The following USP7 variants were observed in gnomAD, a reference collection of about 807,000 sequenced individuals.
USP7 encodes the protein ubiquitin C-terminal hydrolase 7.
Under a neutral mutation model 162.9 loss-of-function variants are expected in USP7, and 9 were observed. That is an observed-to-expected ratio of 0.06 (90% CI 0.03 to 0.10). The LOEUF is 0.10. Ranked by LOEUF, USP7 falls within the 10% of genes least tolerant of loss-of-function variation. The pLI, the probability that USP7 is intolerant of heterozygous loss-of-function variation, is 1.00. For synonymous variants in USP7, 562 were observed against 475.9 expected (o/e 1.18, Z -2.35); for missense variants, 715 against 1,373.7 (o/e 0.52, Z 7.58).
intron 1 of USP7, among the ~76,000 whole-genome samples, chr16:8,954,513 C>T (rs576153317): frequency 3.9e-5 from 6 of 152,210 alleles, no homozygotes; most frequent in Admixed American, 1.3e-4. Flanking sequence ...CCCTGTTAAC[C>T]GTAACTCAAA....
chr16:8,894,472 GC>G lies in USP7; in HGVS notation c.3202+77del. ...AGAGGAGCTGGCACTTGACCCTGGG[GC>G]TGCCCCTCCCAGCCCCAGACCACTT... On this transcript the variant is annotated intron_variant, in intron 30 of 30. Transcript: ENST00000344836. The G allele has an allele frequency of 6.2e-6, 9 of 1,461,474 alleles. No homozygotes were observed. The South Asian group carries it at 1.1e-4, about 18-fold the overall frequency. The allele number at this position is 1,461,474 out of a possible 1,614,324, so 90.5% of individuals were successfully genotyped here. A position where few individuals can be genotyped will look rare whatever the true frequency, so the allele number is the denominator to read the frequency against.
At chr16:8,963,140 C>T in intron 1 of USP7, 67 bp downstream of exon 1, 8 of 1,312,096 alleles carry the variant, frequency 6.1e-6, no homozygotes, top group Middle Eastern at 6.0e-4. Context: ...CGCGTGGCTC[C>T]CGCGGCTCCC....
At chr16:8,938,544 C>CT (rs1898882843) in intron 1 of USP7, among the ~76,000 whole-genome samples, 2 of 151,858 alleles carry the variant, frequency 1.3e-5, no homozygotes, top group Non-Finnish European at 1.5e-5. Context: ...AACGCCGTCT[C>CT]TACTGAAAAT....
rs755471877 is a variant in USP7, at chr16:8,901,238, C to A, written c.2048-4G>T. 2 of 1,604,734 alleles carry A rather than the reference C, an allele frequency of 1.2e-6. No individual in the cohort carries two copies. Among genetic ancestry groups the A allele is most frequent in the Non-Finnish European group, 1.7e-6 (2 of 1,172,714 alleles). On this transcript the variant is annotated splice_region_variant and splice_polypyrimidine_tract_variant and intron_variant, in intron 18 of 30. Transcript: ENST00000344836. ...TTCAAAAATAACATTACATCATCTA[C>A]AAGGTTAATAAACAAGTTTTGTTAA... is the stretch of plus-strand genomic sequence containing the variant.
At chr16:8,904,930 C>T (rs2141179505) in intron 14 of USP7, among the ~76,000 whole-genome samples, 1 of 152,262 alleles carries the variant, frequency 6.6e-6, no homozygotes, top group East Asian at 1.9e-4. Flanking sequence ...CGAGATCGCG[C>T]CACTGCACTC....
Position 8,893,806 on chromosome 16 carries a change from C to T in USP7, c.*192G>A, listed in dbSNP as rs1210423069. 3.5e-6 allele frequency: 2 copies of T among 572,966 alleles called. No homozygotes were observed. The highest frequency in any genetic ancestry group is 6.3e-6 in the Non-Finnish European group (2 of 319,134). 35.5% of individuals were successfully genotyped at this position (572,966 alleles called of 1,614,324 possible). A position where few individuals can be genotyped will look rare whatever the true frequency, so the allele number is the denominator to read the frequency against. On this transcript the variant is annotated 3_prime_UTR_variant, in exon 31 of 31. Coordinates refer to ENST00000344836, the MANE Select transcript of USP7 (RefSeq NM_003470.3). ...TGGCATCCAAGCTTTATAAAAACAT[C>T]TTCATTTTGCTCAAAAAGGGCAGTC...
intron 27 of USP7, 120 bp downstream of exon 27, chr16:8,895,522 C>G (rs1045412868): frequency 1.3e-5 from 12 of 911,620 alleles, no homozygotes; most frequent in Admixed American, 2.5e-5. Context: ...AATCATATAC[C>G]TCGATTACTG....
intron 1 of USP7, among the ~76,000 whole-genome samples, chr16:8,931,101 G>C (rs1033502088): frequency 6.6e-6 from 1 of 151,836 alleles, no homozygotes; most frequent in Admixed American, 6.6e-5. Context: ...CAATTCTACA[G>C]CCAATTTTGT....
intron 1 of USP7, chr16:8,936,583 C>G: frequency 6.5e-7 from 1 of 1,544,302 alleles, no homozygotes; most frequent in Non-Finnish European, 8.7e-7. Context: ...CCTGACTCAC[C>G]TTCCAGCCCA....
chr16:8,938,959 C>A (rs1898907005), intron 1 of USP7, among the ~76,000 whole-genome samples: 1 of 152,066 alleles, frequency 6.6e-6, no homozygotes, highest in African/African-American at 2.4e-5. Context: ...TGAGAGGGGT[C>A]CTGGAACCAA....
intron 27 of USP7, among the ~76,000 whole-genome samples, chr16:8,895,430 T>C (rs567952867): frequency 5.3e-5 from 8 of 152,364 alleles, no homozygotes; most frequent in African/African-American, 1.9e-4. Flanking sequence ...ATTCAAGTGA[T>C]CCACAGTTTC....
rs1391768391 is a variant in USP7 at position 8,898,519 on chromosome 16, T to C, written c.2640+12A>G. ...CTTTATGACCCATAGTTACATTAAT[T>C]TGGACTCATACCTGCTGATAGTAAA... On this transcript the variant is annotated intron_variant, in intron 24 of 30. Coordinates refer to ENST00000344836, the MANE Select transcript of USP7 (RefSeq NM_003470.3). 1.9e-6 allele frequency: 3 copies of C among 1,607,926 alleles called. No homozygotes were observed. The highest frequency in any genetic ancestry group is 1.1e-5 in the South Asian group (1 of 89,640).
chr16:8,896,261 ATGGCCACATT>A (rs1039386244), intron 26 of USP7, among the ~76,000 whole-genome samples: 66 of 151,936 alleles, frequency 4.3e-4, no homozygotes, highest in African/African-American at 1.6e-3. Context: ...CAAAGTGGAA[ATGGCCACATT>A]TGGGCACAGA....
intron 1 of USP7, among the ~76,000 whole-genome samples, chr16:8,952,279 C>G (rs1004060450): frequency 3.9e-5 from 6 of 152,164 alleles, no homozygotes; most frequent in Admixed American, 1.3e-4. Flanking sequence ...TCAGTAACCA[C>G]TACTTTATGA....
At chr16:8,910,106 G>C (rs1337384113) in intron 11 of USP7, among the ~76,000 whole-genome samples, 1 of 152,144 alleles carries the variant, frequency 6.6e-6, no homozygotes, top group East Asian at 1.9e-4. Context: ...TTATAAATTA[G>C]TTGAGTCAAT....
rs2061809099 is a variant in USP7, at chr16:8,903,412, TGTATGAAAGCAC to T, written c.1705-22_1705-11del. 1 of 1,612,320 alleles carries T rather than the reference TGTATGAAAGCAC, an allele frequency of 6.2e-7. No individual in the cohort carries two copies. Among genetic ancestry groups the T allele is most frequent in the Non-Finnish European group, 8.5e-7 (1 of 1,178,764 alleles). On this transcript the variant is annotated splice_polypyrimidine_tract_variant and intron_variant, in intron 15 of 30. Coordinates refer to ENST00000344836, the MANE Select transcript of USP7 (RefSeq NM_003470.3). ...GGTCCTCTGCGACTATCTGAAAATA[TGTATGAAAGCAC>T]AGAAAAGACTTGACAACTGACAAAA...
chr16:8,922,544 G>A (rs530737507), intron 3 of USP7, among the ~76,000 whole-genome samples: 2 of 152,320 alleles, frequency 1.3e-5, no homozygotes, highest in South Asian at 4.1e-4. Flanking sequence ...TGGGGAACAT[G>A]TTACTGAGGG....
At chr16:8,957,200 T>C (rs1388894916) in intron 1 of USP7, among the ~76,000 whole-genome samples, 2 of 152,226 alleles carry the variant, frequency 1.3e-5, no homozygotes, top group Non-Finnish European at 2.9e-5. Flanking sequence ...GAGGCATGTG[T>C]TAACTTACTA....
At chr16:8,894,926 C>A in intron 28 of USP7, 71 bp from the exon 29 acceptor site, 1 of 1,613,748 alleles carries the variant, frequency 6.2e-7, no homozygotes, top group Admixed American at 1.7e-5. Flanking sequence ...GTGGCAGCCG[C>A]CAAAACCAAC....
Sources: gnomAD v4.1 joint callset for allele counts (sites outside exome capture counted in the v4.1 genomes callset) on GRCh38, gnomAD v4.1.1 for gene constraint, MANE v1.5 for transcripts, NCBI Gene and HGNC (gene_info 2026-07-23, HGNC 2026-07-21) for gene names.